The following SPG21 variants were observed in gnomAD, a reference collection of about 807,000 sequenced individuals.
SPG21 encodes SPG21 abhydrolase domain containing, maspardin.
In SPG21, 26 loss-of-function variants were observed where a neutral mutation model predicts 38.9. The observed-to-expected ratio is 0.67, with a 90% CI of 0.49 to 0.93. The LOEUF is 0.93. Among genes scored for constraint, SPG21 ranks in the 40% least tolerant of loss-of-function variants. The probability of loss-of-function intolerance (pLI) is 0.00; values close to 1 mark genes in which losing one functional copy is unlikely to be tolerated. For synonymous variants in SPG21, 136 were observed against 128.9 expected (o/e 1.05, Z -0.37); for missense variants, 333 against 376.5 (o/e 0.88, Z 0.96).
intron 1 of SPG21, 24 bp from the exon 2 acceptor site, chr15:64,983,617 T>G: frequency 7.3e-7 from 1 of 1,372,174 alleles, no homozygotes; most frequent in Non-Finnish European, 1.0e-6. Flanking sequence ...ATGTGATATT[T>G]CACGTCAAGA....
intron 3 of SPG21, among the ~76,000 whole-genome samples, chr15:64,979,983 CA>C (rs978201278): frequency 3.3e-5 from 5 of 151,642 alleles, no homozygotes; most frequent in Admixed American, 6.6e-5. Flanking sequence ...CAATCAGGAA[CA>C]AAAAAACTTC....
Position 64,963,573 on chromosome 15 carries a change from A to G in SPG21, c.*47T>C, listed in dbSNP as rs774586238. On this transcript the variant is annotated 3_prime_UTR_variant, in exon 9 of 9. Transcript: ENST00000204566. The stretch of plus-strand genomic sequence containing the variant: ...CTGACGGGTGCTGATGCCACTGACT[A>G]TACAAGAACACACCGGGTCAACTCA... The G allele has an allele frequency of 9.9e-6, 15 of 1,519,764 alleles. No homozygotes were observed. The East Asian group carries it at 2.7e-4, about 27-fold the overall frequency. 94.1% of individuals were successfully genotyped at this position (1,519,764 alleles called of 1,614,324 possible).
Position 64,983,608 on chromosome 15 carries a change from T to C in SPG21, c.-24-15A>G. The C allele has an allele frequency of 7.0e-7, 1 of 1,429,330 alleles. No individual in the cohort carries two copies. The highest frequency in any genetic ancestry group is 9.7e-7 in the Non-Finnish European group (1 of 1,032,908). The allele number at this position is 1,429,330 out of a possible 1,614,324, so 88.5% of individuals were successfully genotyped here. A position where few individuals can be genotyped will look rare whatever the true frequency, so the allele number is the denominator to read the frequency against. The stretch of plus-strand genomic sequence containing the variant: ...GGAGGTTAATCCTGAAATAAAAGCA[T>C]GTGATATTTCACGTCAAGAATTCAT... On this transcript the variant is annotated splice_polypyrimidine_tract_variant and intron_variant, in intron 1 of 8. Coordinates refer to ENST00000204566, the MANE Select transcript of SPG21 (RefSeq NM_016630.7).
In SPG21 at chr15:64,963,631, C is replaced by T; in HGVS notation, c.916G>A (p.Glu306Lys). The T allele has an allele frequency of 6.2e-7, 1 of 1,613,918 alleles. No homozygotes were observed. Among genetic ancestry groups the T allele is most frequent in the South Asian group, 1.1e-5 (1 of 91,072 alleles). ...VQKGSLGISQEEQ is the reference protein window; with the variant it reads ...VQKGSLGISQKEQ ...CAGCGAGAGACACACTACTGCTCCT[C>T]CTGGCTGATGCCAAGGCTGCCTTTC... The change falls in exon 9 of 9, where the codon GAG becomes AAG. Residue 306 changes from glutamate to lysine, a missense_variant. Coordinates refer to ENST00000204566, the MANE Select transcript of SPG21 (RefSeq NM_016630.7).
chr15:64,975,158 C>T (rs559490236), intron 4 of SPG21, among the ~76,000 whole-genome samples: 15 of 150,952 alleles, frequency 9.9e-5, no homozygotes, highest in African/African-American at 3.4e-4. Context: ...CATGGTGGTG[C>T]GTGCCTGTAG....
intron 3 of SPG21, 82 bp downstream of exon 3, chr15:64,980,782 T>A: frequency 6.9e-7 from 1 of 1,441,752 alleles, no homozygotes; most frequent in Non-Finnish European, 9.6e-7. Context: ...CTGTGCCCAT[T>A]ACTATAGCTG....
At chr15:64,965,238 C>G in intron 8 of SPG21, 82 bp downstream of exon 8, 1 of 1,565,650 alleles carries the variant, frequency 6.4e-7, no homozygotes, top group East Asian at 2.2e-5. Context: ...CACTGATTCC[C>G]TAACTAGTCC....
intron 1 of SPG21, 84 bp from the exon 2 acceptor site, chr15:64,983,677 A>C: frequency 1.2e-6 from 1 of 854,330 alleles, no homozygotes; most frequent in Non-Finnish European, 1.9e-6. Context: ...AGCTATACCA[A>C]CAATATTTTA....
At position 64,970,241 on chromosome 15, in the gene SPG21, T is replaced by G. The variant is rs1443379990; in HGVS notation, c.453-19A>C. ...CCAAAAGCTGTAAAACACAAAGACC[T>G]TATAATTTAAACTTCCAAGACTACA... On this transcript the variant is annotated intron_variant, in intron 5 of 8. Coordinates refer to ENST00000204566, the MANE Select transcript of SPG21 (RefSeq NM_016630.7). 6.3e-7 allele frequency: 1 copy of G among 1,588,270 alleles called. No individual in the cohort carries two copies. Among genetic ancestry groups the G allele is most frequent in the Non-Finnish European group, 8.6e-7 (1 of 1,156,916 alleles).
intron 2 of SPG21, chr15:64,983,233 G>T: frequency 5.3e-6 from 1 of 189,344 alleles, no homozygotes; most frequent in South Asian, 9.9e-5. Context: ...CTGCACTCCA[G>T]CCTGGACGGC....
At chr15:64,985,771 C>G (rs1160022274) in intron 1 of SPG21, among the ~76,000 whole-genome samples, 7 of 152,176 alleles carry the variant, frequency 4.6e-5, no homozygotes. Flanking sequence ...TCGAGATCTG[C>G]TCCCTCAGGA....
intron 2 of SPG21, among the ~76,000 whole-genome samples, chr15:64,981,823 T>C (rs1364324862): frequency 1.3e-5 from 2 of 152,222 alleles, no homozygotes; most frequent in Non-Finnish European, 2.9e-5. Flanking sequence ...TTTAGAAAAG[T>C]ACATTAACTG....
At chr15:64,973,956 A>G (rs1190911643) in intron 5 of SPG21, among the ~76,000 whole-genome samples, 59 of 151,746 alleles carry the variant, frequency 3.9e-4, no homozygotes, top group Non-Finnish European at 1.5e-5. Flanking sequence ...CAAATGCCTA[A>G]TAAAACTATG....
At chr15:64,989,084 C>CT (rs1485180076) in intron 1 of SPG21, 2 of 151,748 alleles carry the variant, frequency 1.3e-5, no homozygotes, top group Non-Finnish European at 2.9e-5. Flanking sequence ...GCATAAATGT[C>CT]TAACTTATAA....
chr15:64,970,549 T>C (rs1163184149), intron 5 of SPG21, among the ~76,000 whole-genome samples: 2 of 152,200 alleles, frequency 1.3e-5, no homozygotes, highest in African/African-American at 2.4e-5. Flanking sequence ...CTATTTCTTT[T>C]GGAAAACTGA....
Position 64,967,283 on chromosome 15 carries a change from TA to T in SPG21, c.670-1824del, listed in dbSNP as rs889723047. On this transcript the variant is annotated intron_variant, in intron 7 of 8. Coordinates refer to ENST00000204566, the MANE Select transcript of SPG21 (RefSeq NM_016630.7). ...TTTTAAAAAATAATTTAAAAATAAATAAAAAAAAATTAAAAGCAGGAACTCA... is the reference window on the plus strand; with the variant it reads ...TTTTAAAAAATAATTTAAAAATAAATAAAAAAAATTAAAAGCAGGAACTCA... Among the ~76,000 whole-genome samples the T allele has an allele frequency of 1.9e-4, 29 of 151,232 alleles. 1 individual carries two copies. The highest frequency in any genetic ancestry group is 1.1e-3 in the Admixed American group (16 of 15,176).
Position 64,989,865 on chromosome 15 carries a change from G to GCCGCCGCGCTCCCCCCTCCCGA in SPG21, c.-226_-225insTCGGGAGGGGGGAGCGCGGCGG, listed in dbSNP as rs2086082251. ...GGGGCGCGTGGCCGAGCGAGCTTGG[G>GCCGCCGCGCTCCCCCCTCCCGA]CCGCCGCGCTCCCCCCGCCCGACCG... On this transcript the variant is annotated 5_prime_UTR_variant, in exon 1 of 9. Coordinates refer to ENST00000204566, the MANE Select transcript of SPG21 (RefSeq NM_016630.7). 1 of 151,810 alleles carries GCCGCCGCGCTCCCCCCTCCCGA rather than the reference G, an allele frequency of 6.6e-6. No individual in the cohort carries two copies. Among genetic ancestry groups the GCCGCCGCGCTCCCCCCTCCCGA allele is most frequent in the African/African-American group, 2.4e-5 (1 of 41,216 alleles). The allele number at this position is 151,810 out of a possible 1,614,324, so 9.4% of individuals were successfully genotyped here.
chr15:64,982,733 G>A (rs1345607340), intron 2 of SPG21, among the ~76,000 whole-genome samples: 2 of 152,192 alleles, frequency 1.3e-5, no homozygotes, highest in East Asian at 1.9e-4. Flanking sequence ...TGCAATATAA[G>A]TGTTTTGGGT....
intron 6 of SPG21, among the ~76,000 whole-genome samples, chr15:64,969,721 G>A (rs1281928447): frequency 1.3e-5 from 2 of 151,008 alleles, no homozygotes; most frequent in African/African-American, 2.4e-5. Flanking sequence ...ACCTTTAAGG[G>A]ATCTTAAAAG....
Sources: allele counts gnomAD v4.1 joint callset (sites outside exome capture counted in the v4.1 genomes callset), GRCh38; gene constraint gnomAD v4.1.1; transcripts MANE v1.5; gene names NCBI Gene and HGNC (gene_info 2026-07-23, HGNC 2026-07-21).